The following MARCHF11 variants were observed in gnomAD, a reference collection of about 807,000 sequenced individuals.
MARCHF11 encodes the protein membrane associated ring-CH-type finger 11, also known as E3 ubiquitin-protein ligase MARCHF11.
In MARCHF11, 29 loss-of-function variants were observed where a neutral mutation model predicts 37.3. The ratio of observed to expected loss-of-function variants is 0.78; its 90% CI spans 0.58 to 1.06. MARCHF11 has a LOEUF of 1.06. Ranked by LOEUF, MARCHF11 falls within the 50% of genes least tolerant of loss-of-function variation. The pLI, the probability that MARCHF11 is intolerant of heterozygous loss-of-function variation, is 0.00. For synonymous variants in MARCHF11, 233 were observed against 228.0 expected (o/e 1.02, Z -0.20); for missense variants, 482 against 533.4 (o/e 0.90, Z 0.95).
At chr5:16,077,757 C>A (rs1736545137) in intron 3 of MARCHF11, among the ~76,000 whole-genome samples, 1 of 152,082 alleles carries the variant, frequency 6.6e-6, no homozygotes, top group Admixed American at 6.5e-5. Context: ...GGATGTGATT[C>A]TTTACATAGA....
chr5:16,133,379 C>T (rs1737551445), intron 2 of MARCHF11, among the ~76,000 whole-genome samples: 2 of 152,114 alleles, frequency 1.3e-5, no homozygotes, highest in Admixed American at 1.3e-4. Context: ...CAGAGATCAG[C>T]CAGCCGCCAG....
At chr5:16,096,496 C>T (rs1474250501) in intron 2 of MARCHF11, among the ~76,000 whole-genome samples, 1 of 152,086 alleles carries the variant, frequency 6.6e-6, no homozygotes, top group African/African-American at 2.4e-5. Context: ...TGTACATGGC[C>T]CAGAATTGGG....
chr5:16,159,034 T>C (rs1473321315), intron 2 of MARCHF11, among the ~76,000 whole-genome samples: 1 of 151,870 alleles, frequency 6.6e-6, no homozygotes, highest in African/African-American at 2.4e-5. Flanking sequence ...AATTTAGCCA[T>C]TCCACAGTGT....
At chr5:16,128,028 C>T (rs1396138570) in intron 2 of MARCHF11, among the ~76,000 whole-genome samples, 1 of 152,170 alleles carries the variant, frequency 6.6e-6, no homozygotes, top group African/African-American at 2.4e-5. Context: ...TCTGTGCCTG[C>T]CCCTCCCAGG....
chr5:16,124,157 A>G (rs1355307823), intron 2 of MARCHF11, among the ~76,000 whole-genome samples: 2 of 152,182 alleles, frequency 1.3e-5, no homozygotes. Flanking sequence ...CAGGATGGGA[A>G]GCAGCATGGC....
At chr5:16,168,324 G>A (rs545959637) in intron 2 of MARCHF11, among the ~76,000 whole-genome samples, 12 of 152,072 alleles carry the variant, frequency 7.9e-5, no homozygotes, top group East Asian at 1.9e-4. Context: ...ATATCAAAGC[G>A]TCTTTCACCC....
intron 3 of MARCHF11, among the ~76,000 whole-genome samples, chr5:16,083,399 A>T (rs1736644884): frequency 6.6e-6 from 1 of 152,144 alleles, no homozygotes; most frequent in Admixed American, 6.5e-5. Context: ...CTACCTGATA[A>T]ATTTCATATT....
rs1333691252 is a variant in MARCHF11 at position 16,067,495 on chromosome 5, A to G, written c.1185T>C (p.Val395=). 6.2e-7 allele frequency: 1 copy of G among 1,613,452 alleles called. No homozygotes were observed. Among genetic ancestry groups the G allele is most frequent in the Non-Finnish European group, 8.5e-7 (1 of 1,179,596 alleles). The change falls in exon 4 of 4, where the codon GTT becomes GTC. Residue 395 remains valine (V), a synonymous_variant. Transcript: ENST00000332432. ...GTCACACTGAAGTCACTCTCATCAC[A>G]ACCTCCCCCGAGCTGTTATCTTCTG... ...DLSEDNSSGE[V]VMRVTSV
intron 2 of MARCHF11, among the ~76,000 whole-genome samples, chr5:16,108,902 A>G (rs748999468): frequency 9.9e-5 from 15 of 152,090 alleles, no homozygotes; most frequent in African/African-American, 3.4e-4. Flanking sequence ...GACTCTGCCT[A>G]CGTTCTCTAC....
chr5:16,130,277 C>A (rs1219402205), intron 2 of MARCHF11, among the ~76,000 whole-genome samples: 1 of 151,856 alleles, frequency 6.6e-6, no homozygotes, highest in South Asian at 2.1e-4. Flanking sequence ...CACACACACA[C>A]ACACAAAAGA....
chr5:16,171,841 A>G (rs1021813408), intron 2 of MARCHF11, among the ~76,000 whole-genome samples: 2 of 152,182 alleles, frequency 1.3e-5, no homozygotes, highest in Admixed American at 6.5e-5. Context: ...GCTTTAACCC[A>G]TAAGTCGACC....
chr5:16,144,308 G>C (rs934560838), intron 2 of MARCHF11, among the ~76,000 whole-genome samples: 2 of 152,168 alleles, frequency 1.3e-5, no homozygotes, highest in Admixed American at 6.5e-5. Context: ...TAAGATAACT[G>C]TTAGTGCCCT....
chr5:16,167,849 A>T (rs1000783553), intron 2 of MARCHF11, among the ~76,000 whole-genome samples: 1 of 152,106 alleles, frequency 6.6e-6, no homozygotes, highest in African/African-American at 2.4e-5. Flanking sequence ...TCTGCTATGT[A>T]GTAGTGGTTA....
chr5:16,092,048 A>T (rs544188309), intron 2 of MARCHF11, among the ~76,000 whole-genome samples: 6 of 152,308 alleles, frequency 3.9e-5, no homozygotes, highest in African/African-American at 1.4e-4. Context: ...ACAGTTTTTT[A>T]AATCTTTAAA....
At chr5:16,167,068 C>T (rs1483415310) in intron 2 of MARCHF11, among the ~76,000 whole-genome samples, 1 of 149,424 alleles carries the variant, frequency 6.7e-6, no homozygotes, top group African/African-American at 2.5e-5. Context: ...AGCTGAGGAG[C>T]ATACTGAATG....
chr5:16,070,948 T>C (rs1269263232), intron 3 of MARCHF11, among the ~76,000 whole-genome samples: 1 of 152,178 alleles, frequency 6.6e-6, no homozygotes, highest in East Asian at 1.9e-4. Flanking sequence ...ACATGCATTT[T>C]TCCCCCTTTT....
chr5:16,091,173 G>A, intron 2 of MARCHF11, 92 bp from the exon 3 acceptor site: 2 of 1,004,692 alleles, frequency 2.0e-6, no homozygotes, highest in Non-Finnish European at 2.7e-6. Context: ...TTTTCATAAT[G>A]TTAGACCCTT....
chr5:16,152,592 A>G (rs957595668), intron 2 of MARCHF11, among the ~76,000 whole-genome samples: 1 of 151,978 alleles, frequency 6.6e-6, no homozygotes, highest in Non-Finnish European at 1.5e-5. Context: ...CCTGATTTAG[A>G]GACACAAATG....
chr5:16,174,282 C>T (rs1164619778), intron 2 of MARCHF11, among the ~76,000 whole-genome samples: 1 of 152,190 alleles, frequency 6.6e-6, no homozygotes, highest in African/African-American at 2.4e-5. Context: ...ATAGATTCTG[C>T]CAGTAGATAG....
Sources: allele counts gnomAD v4.1 joint callset (sites outside exome capture counted in the v4.1 genomes callset), GRCh38; gene constraint gnomAD v4.1.1; transcripts MANE v1.5; gene names NCBI Gene and HGNC (gene_info 2026-07-23, HGNC 2026-07-21).